SH3D19: variants seen among roughly 807,000 people sequenced by gnomAD.
The protein encoded by SH3D19 is SH3 domain-containing protein 19.
Under a neutral mutation model 112.1 loss-of-function variants are expected in SH3D19, and 58 were observed. The ratio of observed to expected loss-of-function variants is 0.52; its 90% CI spans 0.42 to 0.64. SH3D19 has a LOEUF of 0.64. Among genes scored for constraint, SH3D19 ranks in the 30% least tolerant of loss-of-function variants. SH3D19 has a pLI of 0.00. For missense variants in SH3D19, 1,090 were observed against 1,263.4 expected (o/e 0.86, Z 2.08); for synonymous variants, 391 against 448.5 (o/e 0.87, Z 1.62).
chr4:151,232,856 A>AC (rs11426538), intron 1 of SH3D19, among the ~76,000 whole-genome samples: 2,940 of 152,260 alleles, frequency 0.019, 96 homozygotes, highest in African/African-American at 0.066. Flanking sequence ...AGACAACAAA[A>AC]ATGTATTATC....
chr4:151,164,119 C>T (rs1424644995), intron 8 of SH3D19, among the ~76,000 whole-genome samples: 2 of 152,158 alleles, frequency 1.3e-5, no homozygotes, highest in East Asian at 3.8e-4. Flanking sequence ...AGAAACCAAA[C>T]TCCTAAAATA....
intron 2 of SH3D19, among the ~76,000 whole-genome samples, chr4:151,193,426 AC>A (rs1762950481): frequency 6.6e-6 from 1 of 152,110 alleles, no homozygotes; most frequent in African/African-American, 2.4e-5. Context: ...TAAATACTGT[AC>A]TTTTAGTATC....
chr4:151,195,275 G>A (rs923449034), intron 2 of SH3D19, among the ~76,000 whole-genome samples: 1 of 147,874 alleles, frequency 6.8e-6, no homozygotes, highest in Non-Finnish European at 1.5e-5. Flanking sequence ...GGGAGGCTGA[G>A]GCAGGAGAAT....
intron 1 of SH3D19, among the ~76,000 whole-genome samples, chr4:151,298,656 G>C (rs1728029828): frequency 6.6e-6 from 1 of 152,052 alleles, no homozygotes; most frequent in South Asian, 2.1e-4. Context: ...CAATCTGTTT[G>C]AATCATGGAC....
At chr4:151,289,185 G>C (rs1350819548) in intron 1 of SH3D19, among the ~76,000 whole-genome samples, 3 of 152,186 alleles carry the variant, frequency 2.0e-5, no homozygotes, top group African/African-American at 7.2e-5. Context: ...ACAACCACAT[G>C]CAAAAGAATG....
chr4:151,285,942 C>T lies in SH3D19; in HGVS notation c.112+39299G>A, dbSNP rs140123162. Among the ~76,000 whole-genome samples the T allele has an allele frequency of 1.7e-3, 249 of 150,712 alleles. 1 individual carries two copies. Among genetic ancestry groups the T allele is most frequent in the African/African-American group, 5.5e-3 (226 of 41,056 alleles). On this transcript the variant is annotated intron_variant, in intron 1 of 19. Coordinates refer to ENST00000604030, the MANE Select transcript of SH3D19 (RefSeq NM_001378122.1). ...GGGTGTGATGGCACATACCTGTAAT[C>T]GCAGCACTTTGGGAGGATAAGGTAG... is the stretch of plus-strand genomic sequence containing the variant.
intron 2 of SH3D19, among the ~76,000 whole-genome samples, chr4:151,205,964 CTA>C (rs1279075080): frequency 6.6e-6 from 1 of 152,194 alleles, no homozygotes; most frequent in East Asian, 1.9e-4. Flanking sequence ...CTGTGCTTCA[CTA>C]TCTCACAAAA....
At chr4:151,200,077 C>T (rs1561330482) in intron 2 of SH3D19, among the ~76,000 whole-genome samples, 1 of 152,148 alleles carries the variant, frequency 6.6e-6, no homozygotes. Context: ...AACCAGACTG[C>T]AAGCCCTTAT....
At chr4:151,273,455 T>C in intron 1 of SH3D19, among the ~76,000 whole-genome samples, 1 of 151,398 alleles carries the variant, frequency 6.6e-6, no homozygotes, top group South Asian at 2.1e-4. Context: ...CTGGGCGTGG[T>C]GGTGGGCGCC....
rs762011505 is a variant in SH3D19, at chr4:151,176,565, A to G, written c.498T>C (p.Phe166=). ...HTITSATQTD[F]SEEIDNDLPQ... ...GCAGATCGTTGTCTATTTCTTCTGA[A>G]AAGTCAGTCTGAGTTGCAGAAGTAA... Residue 166 remains phenylalanine (F), a synonymous_variant, in exon 6 of 20, where the codon TTT becomes TTC. Transcript: ENST00000604030. The G allele has an allele frequency of 5.4e-5, 67 of 1,232,194 alleles. No homozygotes were observed. Among genetic ancestry groups the G allele is most frequent in the Non-Finnish European group, 6.7e-5 (66 of 987,976 alleles). 76.3% of individuals were successfully genotyped at this position (1,232,194 alleles called of 1,614,324 possible).
At chr4:151,127,986 CATT>C (rs1319008462) in intron 18 of SH3D19, among the ~76,000 whole-genome samples, 181 bp downstream of exon 18, 2 of 152,128 alleles carry the variant, frequency 1.3e-5, no homozygotes. Context: ...TTAGTGAAGA[CATT>C]ATCTTTTTTT....
chr4:151,313,733 C>A (rs12640234), intron 1 of SH3D19, among the ~76,000 whole-genome samples: 2 of 151,962 alleles, frequency 1.3e-5, no homozygotes, highest in African/African-American at 4.8e-5. Flanking sequence ...TGAGAGTAAC[C>A]AATCTACCTT....
intron 9 of SH3D19, among the ~76,000 whole-genome samples, chr4:151,150,101 C>T (rs1438961967): frequency 7.2e-6 from 1 of 138,224 alleles, no homozygotes; most frequent in East Asian, 2.3e-4. Context: ...AGGAGAATGG[C>T]GTGAACCCAG....
chr4:151,310,238 G>A (rs1204645682), intron 1 of SH3D19, among the ~76,000 whole-genome samples: 1 of 150,908 alleles, frequency 6.6e-6, no homozygotes, highest in Non-Finnish European at 1.5e-5. Flanking sequence ...AAAATTACTG[G>A]TGGTGCACAC....
intron 7 of SH3D19, among the ~76,000 whole-genome samples, chr4:151,170,051 T>A (rs1339604372): frequency 6.6e-6 from 1 of 152,208 alleles, no homozygotes; most frequent in African/African-American, 2.4e-5. Flanking sequence ...GTCATTGTTT[T>A]TTAAAGCACT....
intron 1 of SH3D19, among the ~76,000 whole-genome samples, chr4:151,276,652 A>G (rs187592678): frequency 1.9e-4 from 29 of 152,264 alleles, no homozygotes; most frequent in African/African-American, 7.0e-4. Context: ...TGATCCTGAG[A>G]CCACTCTAAA....
At chr4:151,269,169 A>G (rs1244025733) in intron 1 of SH3D19, among the ~76,000 whole-genome samples, 5 of 152,068 alleles carry the variant, frequency 3.3e-5, no homozygotes, top group Admixed American at 6.5e-5. Flanking sequence ...TGTGGTTTTG[A>G]TTTGCATTTC....
In SH3D19 at chr4:151,127,570, A is replaced by T. The variant is rs768836705; in HGVS notation, c.3027+48T>A. 19 of 1,167,968 alleles carry T rather than the reference A, an allele frequency of 1.6e-5. No homozygotes were observed. The South Asian group carries it at 2.5e-4, about 15-fold the overall frequency. 72.4% of individuals were successfully genotyped at this position (1,167,968 alleles called of 1,614,324 possible). On this transcript the variant is annotated intron_variant, in intron 19 of 19. Coordinates refer to ENST00000604030, the MANE Select transcript of SH3D19 (RefSeq NM_001378122.1). ...TTCCATCCTTCAATGGAAAACATTT[A>T]AAAAATTATAGTGCTTAATGCAGTT...
At chr4:151,145,664 C>T (rs6825952) in intron 11 of SH3D19, among the ~76,000 whole-genome samples, 127,884 of 152,144 alleles carry the variant, frequency 0.84, 54,990 homozygotes, top group Non-Finnish European at 0.95. Context: ...CACAGACGTG[C>T]GTGACAAGAA....
Sources: gnomAD v4.1 joint callset for allele counts (sites outside exome capture counted in the v4.1 genomes callset) on GRCh38, gnomAD v4.1.1 for gene constraint, MANE v1.5 for transcripts, NCBI Gene and HGNC (gene_info 2026-07-23, HGNC 2026-07-21) for gene names.